RNF182: variants seen among roughly 807,000 people sequenced by gnomAD.
The protein encoded by RNF182 is ring finger protein 182.
RNF182 carries 15 observed loss-of-function variants against 14.4 expected under a neutral mutation model. That is an observed-to-expected ratio of 1.04 (90% CI 0.70 to 1.60). The LOEUF (loss-of-function observed/expected upper bound fraction) is 1.60, where lower values mean the gene tolerates loss of function less well. Ranked by LOEUF, RNF182 falls within the 40% of genes most tolerant of loss-of-function variation. The probability of loss-of-function intolerance (pLI) is 0.00; values close to 1 mark genes in which losing one functional copy is unlikely to be tolerated. For synonymous variants in RNF182, 128 were observed against 122.9 expected (o/e 1.04, Z -0.27); for missense variants, 268 against 294.8 (o/e 0.91, Z 0.67).
intron 1 of RNF182, among the ~76,000 whole-genome samples, chr6:13,954,569 T>A (rs1029559136): frequency 2.0e-5 from 3 of 149,784 alleles, no homozygotes; most frequent in Admixed American, 6.6e-5. Context: ...TTAAATTAAA[T>A]TTTTTTTTTA....
chr6:13,938,287 G>A (rs1585032256), intron 1 of RNF182, among the ~76,000 whole-genome samples: 1 of 150,784 alleles, frequency 6.6e-6, no homozygotes, highest in Non-Finnish European at 1.5e-5. Flanking sequence ...AAAGTGCTGG[G>A]ATTACAGGCG....
At chr6:13,954,169 G>T (rs1424835803) in intron 1 of RNF182, among the ~76,000 whole-genome samples, 1 of 151,962 alleles carries the variant, frequency 6.6e-6, no homozygotes, top group East Asian at 1.9e-4. Context: ...TTGAAACAAA[G>T]CCCAGATGTC....
At position 13,973,497 on chromosome 6, in the gene RNF182, G is replaced by A. The variant is rs959588830; in HGVS notation, c.-366-713G>A. ...ATTGTAATAATCCCCACATGTCAAG[G>A]GCAGGGCCAGGTGGAGATAATTGAA... is the stretch of plus-strand genomic sequence containing the variant. On this transcript the variant is annotated intron_variant, in intron 1 of 2. Coordinates refer to ENST00000488300, the MANE Select transcript of RNF182 (RefSeq NM_152737.4). Among the ~76,000 whole-genome samples the A allele has an allele frequency of 2.0e-5, 3 of 152,232 alleles. No individual in the cohort carries two copies. The East Asian group carries it at 5.8e-4, about 29-fold the overall frequency.
chr6:13,933,509 T>G (rs1011307792), intron 1 of RNF182, among the ~76,000 whole-genome samples: 2 of 151,974 alleles, frequency 1.3e-5, no homozygotes, highest in African/African-American at 4.8e-5. Flanking sequence ...GGAGTGAGAC[T>G]GTGCCCCTTA....
At chr6:13,969,287 G>C (rs1760117094) in intron 1 of RNF182, among the ~76,000 whole-genome samples, 1 of 152,012 alleles carries the variant, frequency 6.6e-6, no homozygotes, top group Non-Finnish European at 1.5e-5. Context: ...CTTGTCCCTA[G>C]CTTCAAATAA....
In RNF182 at chr6:13,980,201, T is replaced by TTTTTATTTTATTTTATTTTA. The variant is rs10694591; in HGVS notation, c.*2362_*2381dup. On this transcript the variant is annotated 3_prime_UTR_variant, in exon 3 of 3. Coordinates refer to ENST00000488300, the MANE Select transcript of RNF182 (RefSeq NM_152737.4). ...ACACTTTTAAAAGGCCTTCATAGTTTTTTTATTTTATTTTATTTTATTTTA... is the reference window on the plus strand; with the variant it reads ...ACACTTTTAAAAGGCCTTCATAGTTTTTTTATTTTATTTTATTTTATTTTATTTTATTTTATTTTATTTTA... 433 of 142,216 alleles carry TTTTTATTTTATTTTATTTTA rather than the reference T, an allele frequency of 3.0e-3. 1 individual carries two copies. Among genetic ancestry groups the TTTTTATTTTATTTTATTTTA allele is most frequent in the East Asian group, 4.7e-3 (23 of 4,868 alleles). The allele number at this position is 142,216 out of a possible 1,614,324, so 8.8% of individuals were successfully genotyped here. A position where few individuals can be genotyped will look rare whatever the true frequency, so the allele number is the denominator to read the frequency against.
At chr6:13,939,943 T>A (rs1759246529) in intron 1 of RNF182, among the ~76,000 whole-genome samples, 1 of 152,268 alleles carries the variant, frequency 6.6e-6, no homozygotes, top group Non-Finnish European at 1.5e-5. Flanking sequence ...ATTTTCTGTG[T>A]ACATCACTGT....
At chr6:13,927,943 T>A (rs895297797) in intron 1 of RNF182, among the ~76,000 whole-genome samples, 1 of 152,204 alleles carries the variant, frequency 6.6e-6, no homozygotes, top group East Asian at 1.9e-4. Flanking sequence ...GCTGTAAATA[T>A]CAGGTATTGT....
chr6:13,963,051 A>G (rs752488054), intron 1 of RNF182, among the ~76,000 whole-genome samples: 3 of 152,156 alleles, frequency 2.0e-5, no homozygotes, highest in African/African-American at 7.2e-5. Flanking sequence ...AGATACTTCA[A>G]TGGATGTTCA....
Position 13,978,722 on chromosome 6 carries a change from T to C in RNF182, c.*859T>C, listed in dbSNP as rs1760415307. 6.0e-6 allele frequency: 1 copy of C among 167,120 alleles called. No homozygotes were observed. The highest frequency in any genetic ancestry group is 1.5e-5 in the Non-Finnish European group (1 of 68,122). 10.4% of individuals were successfully genotyped at this position (167,120 alleles called of 1,614,324 possible). ...GCCCAATCAGCCTCACCCCTTGTCC[T>C]GAAAAGGTTCCATTTAAATTAGTTG... On this transcript the variant is annotated 3_prime_UTR_variant, in exon 3 of 3. Transcript: ENST00000488300.
At chr6:13,957,581 G>T (rs1455688279) in intron 1 of RNF182, among the ~76,000 whole-genome samples, 2 of 152,182 alleles carry the variant, frequency 1.3e-5, no homozygotes, top group Admixed American at 6.5e-5. Context: ...ATGAGATGTT[G>T]TAGCCATTTT....
intron 1 of RNF182, among the ~76,000 whole-genome samples, chr6:13,926,021 CAG>C (rs533538915): frequency 1.8e-3 from 271 of 151,918 alleles, no homozygotes; most frequent in African/African-American, 6.1e-3. Flanking sequence ...TGAAAGAAAA[CAG>C]ATACATTTTC....
At chr6:13,950,498 CTT>C (rs34765708) in intron 1 of RNF182, among the ~76,000 whole-genome samples, 4 of 121,918 alleles carry the variant, frequency 3.3e-5, no homozygotes, top group Admixed American at 9.4e-5. Context: ...AAAACAGGTA[CTT>C]TTTTTTTTTT....
Position 13,980,237 on chromosome 6 carries a change from T to A in RNF182, c.*2374T>A, listed in dbSNP as rs1760460755. Reference sequence around the variant, plus strand: ...TTTTATTTTATTTTATTTTATTTTATTTTATTTATTTATTTTAAAGCAGGG... The same window carrying A: ...TTTTATTTTATTTTATTTTATTTTAATTTATTTATTTATTTTAAAGCAGGG... On this transcript the variant is annotated 3_prime_UTR_variant, in exon 3 of 3. Coordinates refer to ENST00000488300, the MANE Select transcript of RNF182 (RefSeq NM_152737.4). 1 of 149,706 alleles carries A rather than the reference T, an allele frequency of 6.7e-6. No individual in the cohort carries two copies. The highest frequency in any genetic ancestry group is 1.5e-5 in the Non-Finnish European group (1 of 67,418). 9.3% of individuals were successfully genotyped at this position (149,706 alleles called of 1,614,324 possible).
chr6:13,967,293 A>G (rs1435651641), intron 1 of RNF182, among the ~76,000 whole-genome samples: 1 of 152,230 alleles, frequency 6.6e-6, no homozygotes, highest in Non-Finnish European at 1.5e-5. Context: ...AAATAGGATA[A>G]GGAAAGACAT....
intron 1 of RNF182, among the ~76,000 whole-genome samples, chr6:13,951,394 G>T (rs1374621412): frequency 6.6e-6 from 1 of 152,156 alleles, no homozygotes; most frequent in Non-Finnish European, 1.5e-5. Context: ...CAAAAAGAGA[G>T]AATTAGCCCA....
chr6:13,964,709 A>G (rs1759973488), intron 1 of RNF182, among the ~76,000 whole-genome samples: 3 of 152,204 alleles, frequency 2.0e-5, no homozygotes, highest in Admixed American at 2.0e-4. Flanking sequence ...GAGTCCCACC[A>G]GAAGATCAGG....
intron 1 of RNF182, chr6:13,949,014 A>T (rs1286605030): frequency 1.0e-5 from 5 of 483,062 alleles, no homozygotes; most frequent in Non-Finnish European, 1.9e-5. Context: ...GACAAAATCT[A>T]CTCACTCCTA....
intron 1 of RNF182, among the ~76,000 whole-genome samples, chr6:13,951,968 T>A (rs1759603607): frequency 6.6e-6 from 1 of 152,202 alleles, no homozygotes; most frequent in Admixed American, 6.5e-5. Flanking sequence ...CTTGCCCCTT[T>A]TGGCCCCTGC....
Sources: gnomAD v4.1 joint callset for allele counts (sites outside exome capture counted in the v4.1 genomes callset) on GRCh38, gnomAD v4.1.1 for gene constraint, MANE v1.5 for transcripts, NCBI Gene and HGNC (gene_info 2026-07-23, HGNC 2026-07-21) for gene names.